Variants in HERC2 observed in about 807,000 individuals in gnomAD.
HERC2 encodes HECT and RLD domain containing E3 ubiquitin protein ligase 2, also known as E3 ubiquitin-protein ligase HERC2.
HERC2 carries 102 observed loss-of-function variants against 537.7 expected under a neutral mutation model. That is an observed-to-expected ratio of 0.19 (90% CI 0.16 to 0.22). The LOEUF is 0.22. Ranked by LOEUF, HERC2 falls within the 10% of genes least tolerant of loss-of-function variation. HERC2 has a pLI of 1.00. For missense variants in HERC2, 4,236 were observed against 6,198.2 expected (o/e 0.68, Z 10.63); for synonymous variants, 2,224 against 2,466.2 (o/e 0.90, Z 2.91).
intron 2 of HERC2, among the ~76,000 whole-genome samples, chr15:28,310,884 C>T (rs12440228): frequency 0.1 from 15,692 of 150,188 alleles, 114 homozygotes; most frequent in East Asian, 0.43. Context: ...AAGACCATCC[C>T]GGCTAACACA....
chr15:28,279,265 C>T (rs2075960097), intron 5 of HERC2, among the ~76,000 whole-genome samples: 1 of 152,098 alleles, frequency 6.6e-6, no homozygotes, highest in Non-Finnish European at 1.5e-5. Flanking sequence ...GCTGGGATTA[C>T]AGGCGTGAGC....
chr15:28,154,915 CT>C (rs1892834407), intron 69 of HERC2, among the ~76,000 whole-genome samples: 1 of 106,612 alleles, frequency 9.4e-6, no homozygotes, highest in African/African-American at 3.8e-5. Flanking sequence ...TCCCTCCCCC[CT>C]CCCCCCACCC....
intron 30 of HERC2, 127 bp from the exon 31 acceptor site, chr15:28,230,627 A>G: frequency 1.6e-6 from 1 of 632,268 alleles, no homozygotes; most frequent in South Asian, 2.0e-5. Context: ...AACATTATAA[A>G]TTGCAATGCT....
rs200418044 is a variant in HERC2, at chr15:28,229,254, C to G, written c.5213G>C (p.Trp1738Ser). 3.5e-5 allele frequency: 57 copies of G among 1,613,722 alleles called. No individual in the cohort carries two copies. In the East Asian group the frequency reaches 1.2e-3, roughly 35 times the overall value. ...LEVTFGKLYA[W>S]AVQNIRNVLM... Reference sequence around the variant, plus strand: ...AACATTTCGAATGTTCTGTACAGCCCAAGCGTACAGCTTGCCAAAGGTGAC... The same window carrying G: ...AACATTTCGAATGTTCTGTACAGCCGAAGCGTACAGCTTGCCAAAGGTGAC... Residue 1738 changes from tryptophan (W) to serine (S), a missense_variant, in exon 34 of 93, where the codon TGG (tryptophan) becomes TCG (serine). By Grantham distance (177) the Trp-to-Ser change is radical. Coordinates refer to ENST00000261609, the MANE Select transcript of HERC2 (RefSeq NM_004667.6).
Position 28,265,706 on chromosome 15 carries a change from C to T in HERC2, c.1782G>A (p.Pro594=), listed in dbSNP as rs147892890. 116 of 1,614,214 alleles carry T rather than the reference C, an allele frequency of 7.2e-5. No homozygotes were observed. The African/African-American group carries it at 7.3e-4, about 10-fold the overall frequency. The change falls in exon 14 of 93, where the codon CCG becomes CCA. Residue 594 remains proline (P), a synonymous_variant. Transcript: ENST00000261609. The surrounding 1 kb of genome is among the most constrained non-coding windows in gnomAD (Gnocchi z 4.0). ...GHGSSEDEAI[P]MLVAGLKGLK... ...GTCCTTTAAGCCCGGCTACCAGCAT[C>T]GGAATGGCCTCGTCCTCACTGGAGC...
intron 88 of HERC2, 73 bp downstream of exon 88, chr15:28,116,592 A>G: frequency 7.4e-7 from 1 of 1,348,530 alleles, no homozygotes; most frequent in Non-Finnish European, 1.0e-6. Context: ...CACTCCTCAA[A>G]CAGATAGTAC....
intron 52 of HERC2, among the ~76,000 whole-genome samples, chr15:28,193,238 TTAATA>T (rs1381043822): frequency 6.6e-6 from 1 of 152,134 alleles, no homozygotes; most frequent in African/African-American, 2.4e-5. Context: ...GACACAGACT[TTAATA>T]TAATAACTAT....
chr15:28,294,909 A>C (rs2076420058), intron 3 of HERC2, among the ~76,000 whole-genome samples: 1 of 151,992 alleles, frequency 6.6e-6, no homozygotes, highest in Admixed American at 6.6e-5. Flanking sequence ...CAGAACTTTA[A>C]TCAACCTCTC....
chr15:28,254,445 T>C lies in HERC2; in HGVS notation c.2945A>G (p.His982Arg), dbSNP rs748362699. 2.3e-5 allele frequency: 37 copies of C among 1,608,270 alleles called. No individual in the cohort carries two copies. Among genetic ancestry groups the C allele is most frequent in the Non-Finnish European group, 2.9e-5 (34 of 1,178,214 alleles). The stretch of plus-strand genomic sequence containing the variant: ...TTTATCCAGTGGAGTCCTGCTTCTA[T>C]GAAATGTTGAGGCATTCGCTTCCTG... ...DEQEANASTF[H>R]RSRTPLDKDL... Residue 982 changes from histidine to arginine, a missense_variant, in exon 20 of 93, where the codon CAT (histidine) becomes CGT (arginine). By Grantham distance (29) the His-to-Arg change is conservative. This residue lies in a region of HERC2 where 754 missense variants were observed against 1,085.0 expected (regional missense o/e 0.69). Transcript: ENST00000261609.
intron 4 of HERC2, among the ~76,000 whole-genome samples, chr15:28,284,137 G>A (rs1174272036): frequency 6.6e-6 from 1 of 152,080 alleles, no homozygotes; most frequent in African/African-American, 2.4e-5. Context: ...ATGCTGGAGT[G>A]CCAAAAAGTT....
intron 7 of HERC2, among the ~76,000 whole-genome samples, chr15:28,273,998 A>T (rs1358918272): frequency 6.6e-6 from 1 of 152,160 alleles, no homozygotes; most frequent in Non-Finnish European, 1.5e-5. Context: ...TCACAGAGAG[A>T]CACACAGTGT....
At chr15:28,132,380 G>A (rs1170381323) in intron 80 of HERC2, 119 bp from the exon 81 acceptor site, 1 of 994,590 alleles carries the variant, frequency 1.0e-6, no homozygotes, top group African/African-American at 1.7e-5. Flanking sequence ...CCTTTACAAA[G>A]AGGTGATTTC....
chr15:28,264,936 G>C (rs2075520659), intron 14 of HERC2, among the ~76,000 whole-genome samples: 1 of 152,160 alleles, frequency 6.6e-6, no homozygotes, highest in Admixed American at 6.5e-5. Flanking sequence ...ATACAGGGAA[G>C]TATCTAAAAT....
intron 23 of HERC2, among the ~76,000 whole-genome samples, chr15:28,240,203 G>A (rs1255177953): frequency 2.0e-5 from 3 of 151,722 alleles, no homozygotes; most frequent in African/African-American, 4.9e-5. Flanking sequence ...CAGATCACAA[G>A]GTCAGGAGAT....
chr15:28,139,976 G>A (rs1189317890), intron 78 of HERC2, among the ~76,000 whole-genome samples: 2 of 151,702 alleles, frequency 1.3e-5, no homozygotes, highest in African/African-American at 4.8e-5. Flanking sequence ...GCTGAGGTAG[G>A]AGAATCGCTT....
rs934527392 is a variant in HERC2 at position 28,206,662 on chromosome 15, T to C, written c.7070-280A>G. Among the ~76,000 whole-genome samples the C allele has an allele frequency of 1.8e-4, 27 of 150,414 alleles. 1 individual carries two copies. The highest frequency in any genetic ancestry group is 4.4e-5 in the Non-Finnish European group (3 of 67,768). ...TCCTGGGTAACACGGTGAAACCCCA[T>C]CTCTACTAAAAATACAAAACATTAG... On this transcript the variant is annotated intron_variant, in intron 44 of 92. Transcript: ENST00000261609.
At chr15:28,226,872 G>A (rs1034674693) in intron 35 of HERC2, among the ~76,000 whole-genome samples, 3 of 152,210 alleles carry the variant, frequency 2.0e-5, no homozygotes, top group South Asian at 2.1e-4. Flanking sequence ...TAGTATACAC[G>A]AAATTTTTAA....
At chr15:28,246,713 C>T (rs1903745378) in intron 22 of HERC2, 29 bp downstream of exon 22, 1 of 1,525,540 alleles carries the variant, frequency 6.6e-7, no homozygotes, top group East Asian at 2.4e-5. Flanking sequence ...CTAAAATAAA[C>T]ATGTACACAA....
intron 22 of HERC2, 127 bp downstream of exon 22, chr15:28,246,615 G>T: frequency 2.9e-6 from 2 of 693,334 alleles, no homozygotes; most frequent in Non-Finnish European, 4.5e-6. Flanking sequence ...AAAAAACAAA[G>T]GTGAAAGGGC....
Sources: allele counts gnomAD v4.1 joint callset (sites outside exome capture counted in the v4.1 genomes callset), GRCh38; gene constraint gnomAD v4.1.1; regional missense constraint gnomAD v4.1.1; non-coding constraint Gnocchi (gnomAD v3.1); transcripts MANE v1.5; gene names NCBI Gene and HGNC (gene_info 2026-07-23, HGNC 2026-07-21).